Variants in ELMOD1 observed in about 807,000 individuals in gnomAD.
ELMOD1 encodes ELMO domain-containing protein 1.
In ELMOD1, 21 loss-of-function variants were observed where a neutral mutation model predicts 46.7. The ratio of observed to expected loss-of-function variants is 0.45; its 90% confidence interval spans 0.32 to 0.65. The LOEUF (loss-of-function observed/expected upper bound fraction) is 0.65. Ranked by LOEUF, ELMOD1 falls within the 30% of genes least tolerant of loss-of-function variation. ELMOD1 has a pLI of 0.04. For missense variants in ELMOD1, 348 were observed against 407.8 expected (o/e 0.85, Z 1.26); for synonymous variants, 122 against 138.2 (o/e 0.88, Z 0.82).
chr11:107,664,292 T>C (rs971325044), intron 11 of ELMOD1, among the ~76,000 whole-genome samples: 2 of 151,700 alleles, frequency 1.3e-5, no homozygotes, highest in Admixed American at 1.3e-4. Flanking sequence ...CTAAATGTGG[T>C]AGATAAAAAT....
chr11:107,609,865 CAG>C (rs1591105781), intron 1 of ELMOD1, among the ~76,000 whole-genome samples: 1 of 152,094 alleles, frequency 6.6e-6, no homozygotes, highest in Non-Finnish European at 1.5e-5. Context: ...TACTACAAAT[CAG>C]GGGAACAGGT....
chr11:107,652,156 G>A (rs918270795), intron 9 of ELMOD1, among the ~76,000 whole-genome samples: 2 of 152,180 alleles, frequency 1.3e-5, no homozygotes, highest in African/African-American at 2.4e-5. Context: ...AAATGCTACT[G>A]TCCTTCACTG....
intron 4 of ELMOD1, among the ~76,000 whole-genome samples, chr11:107,631,091 C>A (rs1056420541): frequency 2.0e-5 from 3 of 152,048 alleles, no homozygotes; most frequent in African/African-American, 7.2e-5. Flanking sequence ...TCAATAACAT[C>A]AAAGAAGCCA....
intron 5 of ELMOD1, among the ~76,000 whole-genome samples, chr11:107,632,551 T>C (rs918952401): frequency 6.6e-6 from 1 of 152,178 alleles, no homozygotes; most frequent in African/African-American, 2.4e-5. Flanking sequence ...TTTTGCCTGG[T>C]CTCTATAGCG....
intron 2 of ELMOD1, among the ~76,000 whole-genome samples, chr11:107,618,736 AT>A (rs1269384744): frequency 6.6e-6 from 1 of 152,150 alleles, no homozygotes; most frequent in Non-Finnish European, 1.5e-5. Context: ...TTCCCTGAAG[AT>A]TGTGCTGGAC....
At chr11:107,608,018 TA>T (rs34472766) in intron 1 of ELMOD1, among the ~76,000 whole-genome samples, 11,603 of 83,332 alleles carry the variant, frequency 0.14, 900 homozygotes, top group African/African-American at 0.31. Context: ...TCATTAGTGC[TA>T]AAAAAAAAAA....
At chr11:107,632,454 G>C (rs747594173) in intron 5 of ELMOD1, among the ~76,000 whole-genome samples, 5 of 152,186 alleles carry the variant, frequency 3.3e-5, no homozygotes, top group Admixed American at 6.5e-5. Flanking sequence ...TGTAGCTGAA[G>C]GGAATTTCAG....
At chr11:107,636,145 G>A (rs1866226151) in intron 6 of ELMOD1, among the ~76,000 whole-genome samples, 1 of 152,178 alleles carries the variant, frequency 6.6e-6, no homozygotes, top group Non-Finnish European at 1.5e-5. Context: ...ACACATCAGA[G>A]AAGATAAAGT....
chr11:107,633,317 A>G (rs1866173093), intron 5 of ELMOD1, among the ~76,000 whole-genome samples: 1 of 152,224 alleles, frequency 6.6e-6, no homozygotes, highest in Admixed American at 6.5e-5. Flanking sequence ...AGATGGGGGA[A>G]ACACTTTATA....
chr11:107,633,026 A>G (rs1320799247), intron 5 of ELMOD1, among the ~76,000 whole-genome samples: 1 of 152,202 alleles, frequency 6.6e-6, no homozygotes, highest in East Asian at 1.9e-4. Flanking sequence ...AATGTTGTAT[A>G]AAATTACCTT....
At chr11:107,657,023 A>C (rs552777462) in intron 11 of ELMOD1, among the ~76,000 whole-genome samples, 2 of 152,322 alleles carry the variant, frequency 1.3e-5, no homozygotes, top group East Asian at 3.9e-4. Flanking sequence ...ATAAATTAAG[A>C]AAAATTTTCA....
At chr11:107,599,546 T>G (rs557179661) in intron 1 of ELMOD1, among the ~76,000 whole-genome samples, 88 of 151,836 alleles carry the variant, frequency 5.8e-4, no homozygotes, top group African/African-American at 2.0e-3. Context: ...GTTCAAGACC[T>G]GCCTGGCCAA....
At chr11:107,663,496 TAAAAAA>T (rs34343554) in intron 11 of ELMOD1, among the ~76,000 whole-genome samples, 1 of 144,092 alleles carries the variant, frequency 6.9e-6, no homozygotes, top group Admixed American at 6.9e-5. Context: ...TTAATAAACT[TAAAAAA>T]AAAAAAGAAA....
intron 1 of ELMOD1, among the ~76,000 whole-genome samples, chr11:107,607,151 C>A (rs1865698924): frequency 1.3e-5 from 2 of 152,134 alleles, no homozygotes; most frequent in Admixed American, 6.5e-5. Context: ...TGTTTGATTC[C>A]AAAATCTCCA....
rs571234859 is a variant in ELMOD1 at position 107,608,246 on chromosome 11, A to G, written c.-85-9859A>G. The stretch of plus-strand genomic sequence containing the variant: ...GGCAATTAGGGAAACCTAAAGGACC[A>G]TGGAACTTCTTCTGCTTTCCAGTAA... On this transcript the variant is annotated intron_variant, in intron 1 of 11. Coordinates refer to ENST00000265840, the MANE Select transcript of ELMOD1 (RefSeq NM_018712.4). 1.6e-4 allele frequency among the ~76,000 whole-genome samples: 24 copies of G among 152,322 alleles called. No individual in the cohort carries two copies. The South Asian group carries it at 4.8e-3, about 30-fold the overall frequency.
intron 8 of ELMOD1, 69 bp from the exon 9 acceptor site, chr11:107,650,816 A>G (rs1359980894): frequency 2.0e-6 from 2 of 1,003,378 alleles, no homozygotes; most frequent in Admixed American, 7.9e-5. Context: ...TCTTTCTTGT[A>G]AAATTCTAGA....
chr11:107,647,208 T>C (rs1331796219), intron 6 of ELMOD1, among the ~76,000 whole-genome samples: 1 of 152,176 alleles, frequency 6.6e-6, no homozygotes, highest in East Asian at 1.9e-4. Context: ...TGTTTTTATC[T>C]CTCAGACCTT....
Position 107,630,419 on chromosome 11 carries a change from T to C in ELMOD1, c.20T>C (p.Met7Thr), listed in dbSNP as rs750172132. MKHFLR[M>T]LIQVCLYFYC... ...GTGCTGTGTTTTGTTTTTCACAGAATGTTGATCCAGGTATGCCTGTATTTT... is the reference window on the plus strand; with the variant it reads ...GTGCTGTGTTTTGTTTTTCACAGAACGTTGATCCAGGTATGCCTGTATTTT... The change falls in exon 3 of 12, where the codon ATG becomes ACG. Residue 7 changes from methionine to threonine, a missense_variant and splice_region_variant. By Grantham distance (81) the Met-to-Thr change is moderately conservative (BLOSUM62 -1). Coordinates refer to ENST00000265840, the MANE Select transcript of ELMOD1 (RefSeq NM_018712.4). The C allele has an allele frequency of 2.3e-5, 36 of 1,596,006 alleles. No homozygotes were observed. The highest frequency in any genetic ancestry group is 2.6e-5 in the Non-Finnish European group (31 of 1,170,418).
chr11:107,593,989 C>T (rs1197952561), intron 1 of ELMOD1, among the ~76,000 whole-genome samples: 1 of 152,128 alleles, frequency 6.6e-6, no homozygotes, highest in Non-Finnish European at 1.5e-5. Context: ...CACTTCAACA[C>T]ATATTGGTTG....
Sources: gnomAD v4.1 joint callset for allele counts (sites outside exome capture counted in the v4.1 genomes callset) on GRCh38, gnomAD v4.1.1 for gene constraint, MANE v1.5 for transcripts, NCBI Gene and HGNC (gene_info 2026-07-23, HGNC 2026-07-21) for gene names.